Variants in SPA17 observed in about 807,000 individuals in gnomAD.
The protein encoded by SPA17 is sperm surface protein Sp17.
SPA17 carries 7 observed loss-of-function variants against 13.8 expected under a neutral mutation model. The observed-to-expected ratio is 0.51, with a 90% confidence interval of 0.29 to 0.95. The LOEUF (loss-of-function observed/expected upper bound fraction) is 0.95. Ranked by LOEUF, SPA17 falls within the 40% of genes least tolerant of loss-of-function variation. The pLI, the probability that SPA17 is intolerant of heterozygous loss-of-function variation, is 0.08. For missense variants in SPA17, 170 were observed against 179.3 expected, an observed-to-expected ratio of 0.95 and a Z score of 0.30; for synonymous variants, 61 against 59.0, an observed-to-expected ratio of 1.03 and a Z score of -0.16.
chr11:124,681,744 A>G (rs1320663564), intron 3 of SPA17, among the ~76,000 whole-genome samples: 1 of 152,076 alleles, frequency 6.6e-6, no homozygotes. Context: ...TCATGTACAG[A>G]TATTTCACTT....
At chr11:124,688,317 A>G (rs1284146734) in intron 3 of SPA17, among the ~76,000 whole-genome samples, 1 of 152,194 alleles carries the variant, frequency 6.6e-6, no homozygotes, top group Non-Finnish European at 1.5e-5. Context: ...CTGACTCCCA[A>G]TATAATCTTA....
Position 124,674,166 on chromosome 11 carries a change from A to G in SPA17, c.-28+214A>G, listed in dbSNP as rs1228096314. 3.4e-4 allele frequency: 55 copies of G among 162,474 alleles called. No individual in the cohort carries two copies. In the East Asian group the frequency reaches 9.7e-3, roughly 29 times the overall value. 10.1% of individuals were successfully genotyped at this position (162,474 alleles called of 1,614,324 possible). On this transcript the variant is annotated intron_variant, in intron 1 of 4. Transcript: ENST00000227135. ...CCTCCGCCCGCCCTCCTCTGCCCAC[A>G]TTGGTTCAGAATCTCGCCAGCTCTT...
At chr11:124,690,709 G>A (rs1052121230) in intron 3 of SPA17, among the ~76,000 whole-genome samples, 1 of 152,158 alleles carries the variant, frequency 6.6e-6, no homozygotes, top group Non-Finnish European at 1.5e-5. Context: ...AGAATAATTC[G>A]TAGGTACATT....
chr11:124,697,398 C>T lies in SPA17; in HGVS notation c.*2952C>T, dbSNP rs1943682935. On this transcript the variant is annotated 3_prime_UTR_variant, in exon 5 of 5. Coordinates refer to ENST00000227135, the MANE Select transcript of SPA17 (RefSeq NM_017425.4). ...GGTCAGCTGCAGCACAGTGCCTCTGCTTCACGTGTCCTTTTCTGAGCCCCT... is the reference window on the plus strand; with the variant it reads ...GGTCAGCTGCAGCACAGTGCCTCTGTTTCACGTGTCCTTTTCTGAGCCCCT... 1 of 152,276 alleles carries T rather than the reference C, an allele frequency of 6.6e-6. No homozygotes were observed. The highest frequency in any genetic ancestry group is 1.5e-5 in the Non-Finnish European group (1 of 68,108). 9.4% of individuals were successfully genotyped at this position (152,276 alleles called of 1,614,324 possible).
intron 3 of SPA17, among the ~76,000 whole-genome samples, chr11:124,686,203 G>GGA (rs1488593975): frequency 2.1e-5 from 3 of 143,002 alleles, no homozygotes; most frequent in African/African-American, 8.0e-5. Flanking sequence ...GGGGGGGGTG[G>GGA]TTTTATAAGG....
intron 3 of SPA17, among the ~76,000 whole-genome samples, chr11:124,688,959 A>G (rs1051987968): frequency 5.9e-5 from 9 of 152,240 alleles, no homozygotes; most frequent in African/African-American, 2.2e-4. Flanking sequence ...CCGGTATAAA[A>G]ACAGATACAT....
At position 124,694,576 on chromosome 11, in the gene SPA17, C is replaced by A; in HGVS notation, c.*130C>A. 8.1e-7 allele frequency: 1 copy of A among 1,231,326 alleles called. No individual in the cohort carries two copies. The highest frequency in any genetic ancestry group is 1.1e-6 in the Non-Finnish European group (1 of 889,012). 76.3% of individuals were successfully genotyped at this position (1,231,326 alleles called of 1,614,324 possible). The stretch of plus-strand genomic sequence containing the variant: ...TAACATTCGTTACTGTTGTGAAAAT[C>A]TGTCATGAGCATTTGTTTAATAAGC... On this transcript the variant is annotated 3_prime_UTR_variant, in exon 5 of 5. Transcript: ENST00000227135.
intron 4 of SPA17, among the ~76,000 whole-genome samples, chr11:124,693,954 T>C (rs766999966): frequency 1.3e-5 from 2 of 152,194 alleles, no homozygotes; most frequent in Non-Finnish European, 2.9e-5. Flanking sequence ...TACAGTTCTT[T>C]CTTCTTAACA....
chr11:124,690,862 T>C (rs1416579043), intron 3 of SPA17, among the ~76,000 whole-genome samples: 2 of 152,222 alleles, frequency 1.3e-5, no homozygotes, highest in Non-Finnish European at 2.9e-5. Context: ...CTGTCACTTA[T>C]TACACAAGTT....
chr11:124,682,181 G>A (rs1157168823), intron 3 of SPA17, among the ~76,000 whole-genome samples: 1 of 152,084 alleles, frequency 6.6e-6, no homozygotes, highest in Non-Finnish European at 1.5e-5. Flanking sequence ...CCATCCTTGG[G>A]AGAATTGAGA....
chr11:124,690,973 G>GT (rs59177378), intron 3 of SPA17, among the ~76,000 whole-genome samples: 8,760 of 152,138 alleles, frequency 0.058, 595 homozygotes, highest in African/African-American at 0.16. Context: ...TTGTATTCAT[G>GT]TTTATCGAAG....
chr11:124,685,606 C>T (rs1943571010), intron 3 of SPA17, among the ~76,000 whole-genome samples: 1 of 152,196 alleles, frequency 6.6e-6, no homozygotes, highest in African/African-American at 2.4e-5. Context: ...ACAGCTTGCA[C>T]TGTGCACATG....
At chr11:124,690,739 C>T (rs555721776) in intron 3 of SPA17, among the ~76,000 whole-genome samples, 2 of 152,302 alleles carry the variant, frequency 1.3e-5, no homozygotes, top group East Asian at 3.9e-4. Flanking sequence ...GAACACTGCT[C>T]TAGACAACTG....
chr11:124,693,219 A>G (rs1218147024), intron 4 of SPA17, among the ~76,000 whole-genome samples: 1 of 152,180 alleles, frequency 6.6e-6, no homozygotes, highest in African/African-American at 2.4e-5. Context: ...TTCTGTTTGC[A>G]TTTAAAAGTT....
chr11:124,680,823 G>A (rs1434555188), intron 2 of SPA17, among the ~76,000 whole-genome samples: 1 of 152,076 alleles, frequency 6.6e-6, no homozygotes, highest in South Asian at 2.1e-4. Context: ...ATCATGGGTT[G>A]ATCATTGAAT....
Position 124,686,162 on chromosome 11 carries a change from G to A in SPA17, c.225+4703G>A, listed in dbSNP as rs905448275. Among the ~76,000 whole-genome samples the A allele has an allele frequency of 4.3e-4, 60 of 139,504 alleles. 1 individual carries two copies. The Admixed American group carries it at 4.5e-3, about 11-fold the overall frequency. The allele number at this position is 139,504 out of a possible 152,430, so 91.5% of individuals were successfully genotyped here. On this transcript the variant is annotated intron_variant, in intron 3 of 4. Coordinates refer to ENST00000227135, the MANE Select transcript of SPA17 (RefSeq NM_017425.4). Reference sequence around the variant, plus strand: ...CTTAATTCCCACATATCATGGGAGGGATCTCGTGGAGGTAATGGAATCATG... The same window carrying A: ...CTTAATTCCCACATATCATGGGAGGAATCTCGTGGAGGTAATGGAATCATG...
chr11:124,683,877 A>C (rs986492269), intron 3 of SPA17, among the ~76,000 whole-genome samples: 4 of 152,240 alleles, frequency 2.6e-5, no homozygotes, highest in African/African-American at 7.2e-5. Context: ...CAATACAATA[A>C]TAGTGAGGGG....
rs139867906 is a variant in SPA17, at chr11:124,675,415, G to C, written c.151G>C (p.Glu51Gln). The C allele has an allele frequency of 3.9e-5, 62 of 1,598,584 alleles. No homozygotes were observed. Among genetic ancestry groups the C allele is most frequent in the Middle Eastern group, 1.7e-4 (1 of 5,992 alleles). ...TTTTGAGAGCCTTCTAGAGAAAAGA[G>C]AGAGTAAGCTTTCTAAAATTAGTCA... ...AYFESLLEKR[E>Q]KTNFDPAEWG... Residue 51 changes from glutamate to glutamine, a missense_variant, in exon 2 of 5, where the codon GAG becomes CAG. Coordinates refer to ENST00000227135, the MANE Select transcript of SPA17 (RefSeq NM_017425.4).
intron 3 of SPA17, among the ~76,000 whole-genome samples, chr11:124,682,854 T>A (rs1017367790): frequency 6.6e-6 from 1 of 151,704 alleles, no homozygotes; most frequent in Non-Finnish European, 1.5e-5. Context: ...TAGCAAGAGA[T>A]TTAAACATCC....
Sources: gnomAD v4.1 joint callset for allele counts (sites outside exome capture counted in the v4.1 genomes callset) on GRCh38, gnomAD v4.1.1 for gene constraint, MANE v1.5 for transcripts, NCBI Gene and HGNC (gene_info 2026-07-23, HGNC 2026-07-21) for gene names.